TCF12: variants seen among roughly 807,000 people sequenced by gnomAD.
TCF12 encodes transcription factor 12.
Under a neutral mutation model 86.0 loss-of-function variants are expected in TCF12, and 45 were observed. That is an observed-to-expected ratio of 0.52 (90% CI 0.41 to 0.67). The LOEUF (loss-of-function observed/expected upper bound fraction) is 0.67. Among genes scored for constraint, TCF12 ranks in the 30% least tolerant of loss-of-function variants. TCF12 has a pLI of 0.00. For synonymous variants in TCF12, 330 were observed against 299.6 expected (o/e 1.10, Z -1.05); for missense variants, 881 against 859.9 (o/e 1.02, Z -0.31).
intron 5 of TCF12, among the ~76,000 whole-genome samples, chr15:57,128,926 G>A (rs1470952345): frequency 6.6e-6 from 1 of 152,078 alleles, no homozygotes; most frequent in African/African-American, 2.4e-5. Context: ...TTATTTATCT[G>A]TTCATCAGTT....
At chr15:57,238,045 A>T (rs2059451828) in intron 12 of TCF12, among the ~76,000 whole-genome samples, 1 of 152,242 alleles carries the variant, frequency 6.6e-6, no homozygotes, top group Admixed American at 6.5e-5. Context: ...TCTGTCTGTC[A>T]TCACTTTAAC....
intron 3 of TCF12, among the ~76,000 whole-genome samples, chr15:57,024,148 A>T (rs1596174047): frequency 2.0e-5 from 3 of 151,148 alleles, no homozygotes; most frequent in South Asian, 4.2e-4. Context: ...ACAATGTGTT[A>T]GGAGTATGGC....
chr15:57,067,367 C>T (rs1010786742), intron 4 of TCF12, among the ~76,000 whole-genome samples: 2 of 151,230 alleles, frequency 1.3e-5, no homozygotes, highest in Non-Finnish European at 2.9e-5. Flanking sequence ...GGTGAAACCC[C>T]GTCTCTACTA....
At chr15:57,004,039 G>T (rs2064201436) in intron 3 of TCF12, among the ~76,000 whole-genome samples, 1 of 151,914 alleles carries the variant, frequency 6.6e-6, no homozygotes, top group African/African-American at 2.4e-5. Flanking sequence ...GAAGAAAATT[G>T]GTTTTTGTTT....
At chr15:56,928,018 T>A (rs2060090627) in intron 3 of TCF12, among the ~76,000 whole-genome samples, 1 of 152,200 alleles carries the variant, frequency 6.6e-6, no homozygotes, top group Non-Finnish European at 1.5e-5. Context: ...AATTGGAGTC[T>A]TGTCAGTGAG....
chr15:57,105,891 T>TA (rs1470233962), intron 5 of TCF12, among the ~76,000 whole-genome samples: 1 of 152,180 alleles, frequency 6.6e-6, no homozygotes, highest in African/African-American at 2.4e-5. Flanking sequence ...TATGAGTTGT[T>TA]ATGTTCGTTA....
At chr15:57,230,068 C>T (rs1024531864) in intron 8 of TCF12, among the ~76,000 whole-genome samples, 3 of 151,898 alleles carry the variant, frequency 2.0e-5, no homozygotes, top group Admixed American at 2.0e-4. Flanking sequence ...CTTCCCAATT[C>T]GAAGTCCAAA....
At chr15:57,181,672 C>A (rs145567480) in intron 6 of TCF12, among the ~76,000 whole-genome samples, 9 of 152,274 alleles carry the variant, frequency 5.9e-5, no homozygotes, top group African/African-American at 2.2e-4. Context: ...CTGTTTCTTA[C>A]AGATGAAGAG....
At chr15:57,031,251 GC>G (rs1274687290) in intron 3 of TCF12, among the ~76,000 whole-genome samples, 2 of 152,140 alleles carry the variant, frequency 1.3e-5, no homozygotes, top group Non-Finnish European at 2.9e-5. Context: ...ATTGCTAAGG[GC>G]TAGATGTGGC....
At chr15:56,994,845 A>T (rs1194156010) in intron 3 of TCF12, among the ~76,000 whole-genome samples, 2 of 152,150 alleles carry the variant, frequency 1.3e-5, no homozygotes, top group African/African-American at 4.8e-5. Context: ...GGAAATTTAT[A>T]TCAGAAGAAA....
intron 3 of TCF12, among the ~76,000 whole-genome samples, chr15:57,007,816 TTC>T (rs754076127): frequency 3.8e-5 from 5 of 130,834 alleles, no homozygotes; most frequent in African/African-American, 8.2e-5. Flanking sequence ...CTTTCTTTCT[TTC>T]TTTTTCTTTC....
intron 3 of TCF12, among the ~76,000 whole-genome samples, chr15:57,002,585 A>G (rs1365574488): frequency 6.6e-6 from 1 of 152,190 alleles, no homozygotes; most frequent in Non-Finnish European, 1.5e-5. Context: ...CTAGCAAAAG[A>G]CAGTTATCGG....
chr15:56,941,673 C>G (rs1241610240), intron 3 of TCF12, among the ~76,000 whole-genome samples: 1 of 139,890 alleles, frequency 7.1e-6, no homozygotes, highest in Non-Finnish European at 1.6e-5. Flanking sequence ...CGTGCCTGGT[C>G]TTCTTCTTCT....
intron 17 of TCF12, among the ~76,000 whole-genome samples, chr15:57,262,522 G>A (rs1274786241): frequency 1.3e-5 from 2 of 152,116 alleles, no homozygotes; most frequent in Admixed American, 6.5e-5. Flanking sequence ...ATGGTCTTTA[G>A]AGGCATTGAC....
At position 57,259,767 on chromosome 15, in the gene TCF12, T is replaced by C. The variant is rs966474940; in HGVS notation, c.1468-2327T>C. 2.6e-5 allele frequency among the ~76,000 whole-genome samples: 4 copies of C among 152,350 alleles called. No homozygotes were observed. In the South Asian group the frequency reaches 6.2e-4, roughly 24 times the overall value. On this transcript the variant is annotated intron_variant, in intron 16 of 20. Transcript: ENST00000333725. ...GTGAACAATTAAACCGAGTCCTATC[T>C]GGCTGGCCCCACAGGCTCTAGGCTC...
At chr15:56,956,726 C>G (rs1212720145) in intron 3 of TCF12, among the ~76,000 whole-genome samples, 1 of 151,972 alleles carries the variant, frequency 6.6e-6, no homozygotes, top group Non-Finnish European at 1.5e-5. Context: ...TTTGTAATAT[C>G]CAGTGAGAAA....
chr15:57,022,086 C>T (rs1212819389), intron 3 of TCF12, among the ~76,000 whole-genome samples: 1 of 148,682 alleles, frequency 6.7e-6, no homozygotes, highest in African/African-American at 2.6e-5. Context: ...ATGTATTATA[C>T]TTTAAAGTTC....
At chr15:57,022,840 G>C (rs535966141) in intron 3 of TCF12, among the ~76,000 whole-genome samples, 1 of 152,070 alleles carries the variant, frequency 6.6e-6, no homozygotes, top group East Asian at 1.9e-4. Flanking sequence ...ATTTTTTCAC[G>C]TGGTCAGACA....
chr15:57,042,677 G>A (rs576407384), intron 3 of TCF12, among the ~76,000 whole-genome samples: 1 of 152,242 alleles, frequency 6.6e-6, no homozygotes, highest in South Asian at 2.1e-4. Flanking sequence ...GTCTCCCAAA[G>A]TGCTGGGATT....
Sources: allele counts gnomAD v4.1 joint callset (sites outside exome capture counted in the v4.1 genomes callset), GRCh38; gene constraint gnomAD v4.1.1; transcripts MANE v1.5; gene names NCBI Gene and HGNC (gene_info 2026-07-23, HGNC 2026-07-21).